Variants in IL1RAPL2 observed in about 807,000 individuals in gnomAD.
The protein encoded by IL1RAPL2 is X-linked interleukin-1 receptor accessory protein-like 2.
Under a neutral mutation model 44.1 loss-of-function variants are expected in IL1RAPL2, and 3 were observed. The ratio of observed to expected loss-of-function variants is 0.07; its 90% confidence interval spans 0.03 to 0.18. The LOEUF (loss-of-function observed/expected upper bound fraction) is 0.18, where lower values mean the gene tolerates loss of function less well. IL1RAPL2 is among the 10% of genes least tolerant of loss of function. The pLI, the probability that IL1RAPL2 is intolerant of heterozygous loss-of-function variation, is 1.00. For synonymous variants in IL1RAPL2, 181 were observed against 178.8 expected, an observed-to-expected ratio of 1.01 and a Z score of -0.10; for missense variants, 391 against 496.4, an observed-to-expected ratio of 0.79 and a Z score of 2.02.
intron 6 of IL1RAPL2, among the ~76,000 whole-genome samples, chrX:105,540,866 TATAATAC>T (rs2036722279): frequency 1.2e-5 from 1 of 81,950 alleles, no homozygotes; most frequent in Non-Finnish European, 2.2e-5. Context: ...ATATATGATA[TATAATAC>T]ATACATATAT....
intron 2 of IL1RAPL2, among the ~76,000 whole-genome samples, chrX:105,051,849 A>C (rs946479761): frequency 1.8e-5 from 2 of 112,306 alleles, no homozygotes; most frequent in African/African-American, 6.5e-5. Flanking sequence ...GGGGAACAAC[A>C]TACACCAGGG....
chrX:105,208,122 C>T (rs782797286), intron 3 of IL1RAPL2, among the ~76,000 whole-genome samples: 35 of 110,972 alleles, frequency 3.2e-4, no homozygotes, highest in African/African-American at 1.1e-3. Flanking sequence ...TAAATTTGGT[C>T]GGAACCTGGA....
At chrX:105,530,953 A>C (rs896903017) in intron 6 of IL1RAPL2, among the ~76,000 whole-genome samples, 7 of 111,711 alleles carry the variant, frequency 6.3e-5, no homozygotes, top group Non-Finnish European at 1.3e-4. Context: ...TCTATTGTTT[A>C]TATGTACCAT....
At chrX:105,516,337 A>C (rs760647493) in intron 6 of IL1RAPL2, among the ~76,000 whole-genome samples, 41 of 112,099 alleles carry the variant, frequency 3.7e-4, no homozygotes, top group Admixed American at 2.8e-3. Context: ...CTGTTTTAAA[A>C]AGTCACAGCA....
At chrX:105,377,394 G>A (rs755500142) in intron 5 of IL1RAPL2, among the ~76,000 whole-genome samples, 1,646 of 108,573 alleles carry the variant, frequency 0.015, 37 homozygotes, top group African/African-American at 0.053. Context: ...GTGTGTGTGT[G>A]TATGTGTGTG....
intron 6 of IL1RAPL2, among the ~76,000 whole-genome samples, chrX:105,544,934 G>A (rs2036779153): frequency 9.0e-6 from 1 of 110,721 alleles, no homozygotes; most frequent in Non-Finnish European, 1.9e-5. Context: ...CTTAATTAAC[G>A]AGAACCTCCT....
intron 2 of IL1RAPL2, among the ~76,000 whole-genome samples, chrX:104,928,521 G>A (rs1045978311): frequency 9.0e-6 from 1 of 111,316 alleles, no homozygotes; most frequent in Non-Finnish European, 1.9e-5. Context: ...AGGCTGTGCC[G>A]CACTTACGGA....
At chrX:105,296,483 C>T (rs1485161275) in intron 5 of IL1RAPL2, among the ~76,000 whole-genome samples, 2 of 112,356 alleles carry the variant, frequency 1.8e-5, no homozygotes, top group African/African-American at 6.5e-5. Context: ...TTGTTTATGC[C>T]TGCAATGTTA....
At chrX:104,717,584 G>T (rs1337496506) in intron 2 of IL1RAPL2, among the ~76,000 whole-genome samples, 1 of 109,757 alleles carries the variant, frequency 9.1e-6, no homozygotes, top group Non-Finnish European at 1.9e-5. Flanking sequence ...GAGGAGGGGG[G>T]GCAGACACTC....
chrX:104,948,342 A>G (rs1009109575), intron 2 of IL1RAPL2, among the ~76,000 whole-genome samples: 5 of 108,627 alleles, frequency 4.6e-5, no homozygotes, highest in Non-Finnish European at 9.5e-5. Flanking sequence ...TTTTCTAGAT[A>G]TACAATCATG....
rs905136131 is a variant in IL1RAPL2, at chrX:105,334,169, G to T, written c.697+66628G>T. Among the ~76,000 whole-genome samples the T allele has an allele frequency of 2.7e-5, 3 of 112,223 alleles. No homozygotes were observed. In the East Asian group the frequency reaches 8.4e-4, roughly 32 times the overall value. ...AGAAAATTTAGTACATATACAAAAT[G>T]GAGTACAATTCAGCCATAAACAAGA... On this transcript the variant is annotated intron_variant, in intron 5 of 10. Transcript: ENST00000372582.
intron 6 of IL1RAPL2, among the ~76,000 whole-genome samples, chrX:105,647,626 GTC>G (rs755083752): frequency 3.4e-4 from 38 of 112,330 alleles, no homozygotes; most frequent in African/African-American, 1.1e-3. Context: ...AGCTAGTCCT[GTC>G]TCTCAGCAGG....
chrX:105,605,304 C>A (rs1212021632), intron 6 of IL1RAPL2, among the ~76,000 whole-genome samples: 1 of 110,880 alleles, frequency 9.0e-6, no homozygotes, highest in East Asian at 2.8e-4. Flanking sequence ...TTCTATACAC[C>A]AATAATGAAC....
chrX:105,482,804 T>C (rs2036241070), intron 5 of IL1RAPL2, among the ~76,000 whole-genome samples: 1 of 111,170 alleles, frequency 9.0e-6, no homozygotes, highest in Admixed American at 9.7e-5. Flanking sequence ...CACAATCCTA[T>C]GCTATTCCTC....
At chrX:105,443,948 C>A (rs1032280027) in intron 5 of IL1RAPL2, among the ~76,000 whole-genome samples, 17 of 112,161 alleles carry the variant, frequency 1.5e-4, no homozygotes, top group African/African-American at 5.5e-4. Flanking sequence ...TACTAATTTA[C>A]ATTTCCACCA....
At chrX:104,852,254 G>A (rs867915871) in intron 2 of IL1RAPL2, among the ~76,000 whole-genome samples, 9 of 112,174 alleles carry the variant, frequency 8.0e-5, no homozygotes, top group African/African-American at 1.6e-4. Flanking sequence ...GGAAGGCAAA[G>A]GTTTTAAAAG....
chrX:105,294,008 A>G (rs2034636262), intron 5 of IL1RAPL2, among the ~76,000 whole-genome samples: 2 of 112,430 alleles, frequency 1.8e-5, no homozygotes, highest in Non-Finnish European at 3.8e-5. Context: ...ATTTATTTCT[A>G]TATGTAAATG....
At chrX:105,481,475 A>T (rs1269418775) in intron 5 of IL1RAPL2, among the ~76,000 whole-genome samples, 1 of 112,383 alleles carries the variant, frequency 8.9e-6, no homozygotes, top group East Asian at 2.8e-4. Context: ...TAATAAAATT[A>T]GGGTAAATAC....
chrX:104,896,032 G>A (rs1182970003), intron 2 of IL1RAPL2, among the ~76,000 whole-genome samples: 1 of 111,734 alleles, frequency 8.9e-6, no homozygotes, highest in Non-Finnish European at 1.9e-5. Flanking sequence ...TAGGGGAGGA[G>A]TGTTGTTTTT....
Sources: allele counts gnomAD v4.1 joint callset (sites outside exome capture counted in the v4.1 genomes callset), GRCh38; gene constraint gnomAD v4.1.1; transcripts MANE v1.5; gene names NCBI Gene and HGNC (gene_info 2026-07-23, HGNC 2026-07-21).